Variants in BRAF observed in about 807,000 individuals in gnomAD.
BRAF encodes the protein serine/threonine-protein kinase B-raf.
In BRAF, 16 loss-of-function variants were observed where a neutral mutation model predicts 104.6. The ratio of observed to expected loss-of-function variants is 0.15; its 90% CI spans 0.10 to 0.23. The LOEUF (loss-of-function observed/expected upper bound fraction) is 0.23, where lower values mean the gene tolerates loss of function less well. Ranked by LOEUF, BRAF falls within the 10% of genes least tolerant of loss-of-function variation. The pLI is 1.00. For synonymous variants in BRAF, 310 were observed against 341.6 expected (o/e 0.91, Z 1.02); for missense variants, 541 against 937.3 (o/e 0.58, Z 5.52).
intron 18 of BRAF, among the ~76,000 whole-genome samples, chr7:140,735,843 C>A (rs573945005): frequency 6.6e-6 from 1 of 152,020 alleles, no homozygotes; most frequent in South Asian, 2.1e-4. Context: ...CAGACATGAG[C>A]CACCATGCCT....
rs10242926 is a variant in BRAF at position 140,854,901 on chromosome 7, C to T, written c.139-4689G>A. Among the ~76,000 whole-genome samples the T allele has an allele frequency of 5.8e-3, 887 of 152,114 alleles. 10 individuals carry two copies. The highest frequency in any genetic ancestry group is 0.02 in the African/African-American group (844 of 41,518). On this transcript the variant is annotated intron_variant, in intron 1 of 19. Coordinates refer to ENST00000644969, the MANE Select transcript of BRAF (RefSeq NM_001374258.1). ...CGGAGGTTGCAGTGAGCCGAGACTG[C>T]GCCACTGCACTCCAGCCTGGGTGAC...
chr7:140,776,949 G>A lies in BRAF; in HGVS notation c.1777C>T (p.Leu593Phe), dbSNP rs749083550. 3 of 1,613,542 alleles carry A rather than the reference G, an allele frequency of 1.9e-6. No individual in the cohort carries two copies. Among genetic ancestry groups the A allele is most frequent in the Non-Finnish European group, 2.5e-6 (3 of 1,179,816 alleles). ...IIETKFEMIKLIDIARQTAQG... is the reference protein window; with the variant it reads ...IIETKFEMIKFIDIARQTAQG... ...GCAGTCTGTCGTGCAATATCTATAA[G>A]TTTGATCATCTCAAATTTGGTCTCA... Residue 593 changes from leucine to phenylalanine, a missense_variant, in exon 14 of 20, where the codon CTT becomes TTT. By Grantham distance (22) the Leu-to-Phe change is conservative (BLOSUM62 0). Transcript: ENST00000644969.
intron 3 of BRAF, among the ~76,000 whole-genome samples, chr7:140,830,984 T>C (rs757120508): frequency 7.2e-5 from 11 of 152,344 alleles, no homozygotes; most frequent in Non-Finnish European, 1.0e-4. Context: ...CCTTGATTTA[T>C]AGCCAGCTGG....
At chr7:140,753,951 A>G in intron 15 of BRAF, 1 of 562,870 alleles carries the variant, frequency 1.8e-6, no homozygotes. Context: ...GCAATCAAAA[A>G]CTCCTACTAT....
At chr7:140,824,247 A>G (rs1805769981) in intron 3 of BRAF, 1 of 152,026 alleles carries the variant, frequency 6.6e-6, no homozygotes, top group Non-Finnish European at 1.5e-5. Context: ...CTTTTCTCCT[A>G]TGTTTTCTTG....
At chr7:140,800,082 C>T in intron 7 of BRAF, 1 of 459,088 alleles carries the variant, frequency 2.2e-6, no homozygotes, top group Non-Finnish European at 4.0e-6. Context: ...ACCAGGAGAT[C>T]CAAAAGAAAG....
chr7:140,753,250 G>A (rs2128998034), intron 16 of BRAF, 25 bp downstream of exon 15: 1 of 1,558,958 alleles, frequency 6.4e-7, no homozygotes, highest in African/African-American at 1.4e-5. Context: ...AATTTAATCA[G>A]TGGAAAAATA....
At chr7:140,768,839 A>G (rs1799575132) in intron 14 of BRAF, among the ~76,000 whole-genome samples, 1 of 151,876 alleles carries the variant, frequency 6.6e-6, no homozygotes, top group Non-Finnish European at 1.5e-5. Flanking sequence ...GTTGCTATAG[A>G]GTGAGGCTGT....
chr7:140,868,595 C>CT (rs1335586544), intron 1 of BRAF, among the ~76,000 whole-genome samples: 6 of 151,674 alleles, frequency 4.0e-5, no homozygotes, highest in African/African-American at 1.5e-4. Flanking sequence ...GGGAGAATGG[C>CT]TAAGGGTGTG....
intron 3 of BRAF, among the ~76,000 whole-genome samples, chr7:140,828,530 A>G (rs1251397070): frequency 6.6e-6 from 1 of 152,226 alleles, no homozygotes. Context: ...TACATAAAGA[A>G]TAAGTAAGTA....
At chr7:140,763,076 A>G (rs1340690499) in intron 14 of BRAF, among the ~76,000 whole-genome samples, 1 of 152,162 alleles carries the variant, frequency 6.6e-6, no homozygotes. Flanking sequence ...CTTCTATTCC[A>G]CAAAACCGCC....
chr7:140,889,317 T>C (rs1364173486), intron 1 of BRAF, among the ~76,000 whole-genome samples: 1 of 152,214 alleles, frequency 6.6e-6, no homozygotes, highest in Admixed American at 6.5e-5. Context: ...ATGTTGTAAC[T>C]TGAAACATTA....
chr7:140,755,762 A>T (rs1192239826), intron 14 of BRAF, among the ~76,000 whole-genome samples: 1 of 152,094 alleles, frequency 6.6e-6, no homozygotes, highest in Non-Finnish European at 1.5e-5. Context: ...CCCCAATCAA[A>T]GCTTTAAGAT....
chr7:140,811,322 G>A (rs975573292), intron 3 of BRAF, among the ~76,000 whole-genome samples: 1 of 152,136 alleles, frequency 6.6e-6, no homozygotes, highest in Admixed American at 6.5e-5. Context: ...GGCAGAGGAT[G>A]TCCTTAAAGC....
chr7:140,727,689 C>T (rs186011401), intron 19 of BRAF, among the ~76,000 whole-genome samples: 1 of 151,874 alleles, frequency 6.6e-6, no homozygotes, highest in East Asian at 1.9e-4. Flanking sequence ...GGTGCGATCT[C>T]GGCTCACTGC....
chr7:140,813,447 G>A (rs1414829151), intron 3 of BRAF, among the ~76,000 whole-genome samples: 20 of 152,278 alleles, frequency 1.3e-4, no homozygotes, highest in Admixed American at 8.5e-4. Context: ...TCCATGAAGC[G>A]AAATTTGTAT....
At chr7:140,767,177 T>A (rs954987093) in intron 14 of BRAF, among the ~76,000 whole-genome samples, 1 of 151,976 alleles carries the variant, frequency 6.6e-6, no homozygotes, top group African/African-American at 2.4e-5. Context: ...CTAATTTTTG[T>A]ATTTTTTGGT....
intron 6 of BRAF, 57 bp from the exon 7 acceptor site, chr7:140,800,538 CA>C: frequency 6.8e-6 from 11 of 1,612,454 alleles, no homozygotes; most frequent in Non-Finnish European, 9.3e-6. Context: ...CTTCATATAC[CA>C]AAATACATAG....
intron 1 of BRAF, among the ~76,000 whole-genome samples, chr7:140,851,893 G>A (rs1028183259): frequency 6.6e-6 from 1 of 152,152 alleles, no homozygotes; most frequent in African/African-American, 2.4e-5. Flanking sequence ...TTATTCTATT[G>A]AGTTGTTTGT....
Sources: allele counts gnomAD v4.1 joint callset (sites outside exome capture counted in the v4.1 genomes callset), GRCh38; gene constraint gnomAD v4.1.1; transcripts MANE v1.5; gene names NCBI Gene and HGNC (gene_info 2026-07-23, HGNC 2026-07-21).